CACHD1: variants seen among roughly 807,000 people sequenced by gnomAD.
The protein encoded by CACHD1 is cache domain containing 1.
CACHD1 carries 71 observed loss-of-function variants against 138.7 expected under a neutral mutation model. The ratio of observed to expected loss-of-function variants is 0.51; its 90% CI spans 0.42 to 0.62. The LOEUF (loss-of-function observed/expected upper bound fraction) is 0.62, where lower values mean the gene tolerates loss of function less well. Ranked by LOEUF, CACHD1 falls within the 20% of genes least tolerant of loss-of-function variation. The probability of loss-of-function intolerance (pLI) is 0.00; values close to 1 mark genes in which losing one functional copy is unlikely to be tolerated. For missense variants in CACHD1, 1,389 were observed against 1,625.3 expected, an observed-to-expected ratio of 0.85 and a Z score of 2.50; for synonymous variants, 578 against 591.5, an observed-to-expected ratio of 0.98 and a Z score of 0.33.
intron 2 of CACHD1, among the ~76,000 whole-genome samples, chr1:64,569,658 GT>G (rs1309511978): frequency 6.6e-6 from 1 of 152,140 alleles, no homozygotes; most frequent in African/African-American, 2.4e-5. Flanking sequence ...CACACTGGGT[GT>G]TACGTAAGCA....
intron 2 of CACHD1, 75 bp from the exon 3 acceptor site, chr1:64,582,078 TTAC>T: frequency 6.8e-7 from 1 of 1,474,822 alleles, no homozygotes; most frequent in East Asian, 2.3e-5. Flanking sequence ...GTGACACAGA[TTAC>T]TAGTTTATTA....
chr1:64,520,234 G>A (rs1179490474), intron 1 of CACHD1, among the ~76,000 whole-genome samples: 1 of 152,194 alleles, frequency 6.6e-6, no homozygotes, highest in Non-Finnish European at 1.5e-5. Flanking sequence ...AAGGGTAGAG[G>A]TATTTCTAGA....
At chr1:64,686,943 C>A (rs1422058830) in intron 26 of CACHD1, among the ~76,000 whole-genome samples, 4 of 152,002 alleles carry the variant, frequency 2.6e-5, no homozygotes, top group African/African-American at 9.7e-5. Context: ...TGAGTGAGTC[C>A]CCAGAGGGAC....
chr1:64,517,616 G>A (rs1476644417), intron 1 of CACHD1, among the ~76,000 whole-genome samples: 1 of 152,154 alleles, frequency 6.6e-6, no homozygotes, highest in African/African-American at 2.4e-5. Context: ...GGCTGATGGG[G>A]CAGGAAGACA....
At chr1:64,610,309 A>C (rs1170071958) in intron 4 of CACHD1, among the ~76,000 whole-genome samples, 1 of 152,126 alleles carries the variant, frequency 6.6e-6, no homozygotes. Context: ...GAGTCCCCCA[A>C]AGTCTTAACT....
chr1:64,642,702 G>A (rs1388605291), intron 8 of CACHD1, among the ~76,000 whole-genome samples: 2 of 151,556 alleles, frequency 1.3e-5, no homozygotes, highest in African/African-American at 4.9e-5. Flanking sequence ...GACATCTTTA[G>A]GCCCATTGCC....
rs1649949039 is a variant in CACHD1 at position 64,675,329 on chromosome 1, T to C, written c.2728-72T>C. On this transcript the variant is annotated intron_variant, in intron 19 of 26. Coordinates refer to ENST00000651257, the MANE Select transcript of CACHD1 (RefSeq NM_020925.4). ...CTATTTTTCGTAGGTAGTTGAAGAG[T>C]TGTTTTCACCAAGGTAGGGCTGAGT... 2.8e-5 allele frequency: 34 copies of C among 1,233,978 alleles called. No individual in the cohort carries two copies. In the East Asian group the frequency reaches 8.1e-4, roughly 29 times the overall value. The allele number at this position is 1,233,978 out of a possible 1,614,324, so 76.4% of individuals were successfully genotyped here. A position where few individuals can be genotyped will look rare whatever the true frequency, so the allele number is the denominator to read the frequency against.
At chr1:64,600,310 A>G (rs756672573) in intron 3 of CACHD1, among the ~76,000 whole-genome samples, 1 of 152,158 alleles carries the variant, frequency 6.6e-6, no homozygotes, top group Non-Finnish European at 1.5e-5. Context: ...ATTGGAGGGT[A>G]CTTCTCATTC....
At chr1:64,617,018 G>A (rs1188141512) in intron 4 of CACHD1, among the ~76,000 whole-genome samples, 1 of 151,292 alleles carries the variant, frequency 6.6e-6, no homozygotes, top group Non-Finnish European at 1.5e-5. Context: ...ACTTAAAAAT[G>A]TTTACATGCC....
chr1:64,673,615 T>C (rs1034925740), intron 19 of CACHD1, 151 bp downstream of exon 19: 12 of 714,262 alleles, frequency 1.7e-5, no homozygotes, highest in African/African-American at 7.1e-5. Flanking sequence ...TTAGTTCCAG[T>C]TCCCAGTTTG....
chr1:64,505,847 TCGCCC>T (rs371801807), intron 1 of CACHD1: 6,235 of 100,422 alleles, frequency 0.062, 289 homozygotes, highest in East Asian at 0.14. Flanking sequence ...TTCCCCGGCC[TCGCCC>T]CGCCCCGCCC....
At chr1:64,533,688 G>A (rs1246118266) in intron 1 of CACHD1, among the ~76,000 whole-genome samples, 2 of 150,202 alleles carry the variant, frequency 1.3e-5, no homozygotes, top group East Asian at 3.9e-4. Context: ...TATACATGAT[G>A]TGTTCTATTA....
intron 3 of CACHD1, among the ~76,000 whole-genome samples, chr1:64,584,717 T>G (rs1200633313): frequency 6.6e-6 from 1 of 152,208 alleles, no homozygotes. Flanking sequence ...CATCTTTTAT[T>G]ACCCCTAGCA....
chr1:64,643,672 T>G (rs1389497756), intron 8 of CACHD1, among the ~76,000 whole-genome samples: 1 of 152,008 alleles, frequency 6.6e-6, no homozygotes, highest in African/African-American at 2.4e-5. Context: ...CCATCTCTGC[T>G]AAAAATACAA....
chr1:64,495,966 C>T (rs181668950), intron 1 of CACHD1, among the ~76,000 whole-genome samples: 2 of 152,178 alleles, frequency 1.3e-5, no homozygotes, highest in Admixed American at 6.5e-5. Flanking sequence ...GCTATATTTT[C>T]GTTTTATTAT....
At chr1:64,615,449 A>G (rs2100604377) in intron 4 of CACHD1, among the ~76,000 whole-genome samples, 1 of 152,286 alleles carries the variant, frequency 6.6e-6, no homozygotes, top group South Asian at 2.1e-4. Flanking sequence ...ACTTTACTGT[A>G]TGGCACATTC....
At chr1:64,633,835 C>T (rs978211570) in intron 6 of CACHD1, among the ~76,000 whole-genome samples, 1 of 152,154 alleles carries the variant, frequency 6.6e-6, no homozygotes, top group Non-Finnish European at 1.5e-5. Context: ...GGAACAAAAA[C>T]CAAACTCTAG....
At chr1:64,610,974 C>T (rs1284546977) in intron 4 of CACHD1, among the ~76,000 whole-genome samples, 10 of 152,190 alleles carry the variant, frequency 6.6e-5, no homozygotes, top group East Asian at 5.8e-4. Context: ...CGGCTCTTGT[C>T]GCCTGCACAC....
chr1:64,486,501 A>G (rs1294472357), intron 1 of CACHD1, among the ~76,000 whole-genome samples: 1 of 152,126 alleles, frequency 6.6e-6, no homozygotes, highest in East Asian at 1.9e-4. Context: ...TTCGAGTGAC[A>G]TTGTTCTCAA....
Sources: gnomAD v4.1 joint callset for allele counts (sites outside exome capture counted in the v4.1 genomes callset) on GRCh38, gnomAD v4.1.1 for gene constraint, MANE v1.5 for transcripts, NCBI Gene and HGNC (gene_info 2026-07-23, HGNC 2026-07-21) for gene names.